Variants in EHHADH observed in about 807,000 individuals in gnomAD.
The protein encoded by EHHADH is peroxisomal bifunctional enzyme.
EHHADH carries 48 observed loss-of-function variants against 64.4 expected under a neutral mutation model. That is an observed-to-expected ratio of 0.75 (90% CI 0.59 to 0.95). EHHADH has a LOEUF of 0.95. Among genes scored for constraint, EHHADH ranks in the 40% least tolerant of loss-of-function variants. The pLI, the probability that EHHADH is intolerant of heterozygous loss-of-function variation, is 0.00. For synonymous variants in EHHADH, 308 were observed against 326.7 expected (o/e 0.94, Z 0.62); for missense variants, 854 against 876.6 (o/e 0.97, Z 0.33).
intron 1 of EHHADH, among the ~76,000 whole-genome samples, chr3:185,250,902 T>C (rs566992768): frequency 7.2e-5 from 11 of 152,286 alleles, no homozygotes; most frequent in African/African-American, 2.6e-4. Context: ...CTAGCCAAAA[T>C]TAGCTCAATC....
At chr3:185,208,771 C>T (rs1024170954) in intron 5 of EHHADH, among the ~76,000 whole-genome samples, 5 of 152,068 alleles carry the variant, frequency 3.3e-5, no homozygotes, top group African/African-American at 1.2e-4. Context: ...GGAAACAATC[C>T]AAACATCCAT....
intron 5 of EHHADH, among the ~76,000 whole-genome samples, chr3:185,215,671 G>T (rs1360101005): frequency 6.6e-6 from 1 of 151,672 alleles, no homozygotes; most frequent in Non-Finnish European, 1.5e-5. Flanking sequence ...CAATACAGCT[G>T]GAAAAAATAA....
Position 185,219,303 on chromosome 3 carries a change from G to A in EHHADH, c.464-1063C>T, listed in dbSNP as rs567892203. Among the ~76,000 whole-genome samples, 6 of 152,322 alleles carry A rather than the reference G, an allele frequency of 3.9e-5. No homozygotes were observed. In the South Asian group the frequency reaches 6.2e-4, roughly 16 times the overall value. On this transcript the variant is annotated intron_variant, in intron 4 of 6. Coordinates refer to ENST00000231887, the MANE Select transcript of EHHADH (RefSeq NM_001966.4). Reference sequence around the variant, plus strand: ...TGATTAGACAATTGACAATTTGACTGTGGCAGCTGGAGTGTGGCCCATGAC... The same window carrying A: ...TGATTAGACAATTGACAATTTGACTATGGCAGCTGGAGTGTGGCCCATGAC...
rs115766426 is a variant in EHHADH, at chr3:185,240,690, A to G, written c.179-5228T>C. 5.6e-3 allele frequency among the ~76,000 whole-genome samples: 851 copies of G among 151,884 alleles called. 1 individual carries two copies. The highest frequency in any genetic ancestry group is 9.7e-3 in the Non-Finnish European group (655 of 67,874). Reference sequence around the variant, plus strand: ...TGATTAGTTTAGCTAGCAGTATATAAATTTTTCTCTTTTCAAAGAACCAAC... The same window carrying G: ...TGATTAGTTTAGCTAGCAGTATATAGATTTTTCTCTTTTCAAAGAACCAAC... On this transcript the variant is annotated intron_variant, in intron 2 of 6. Coordinates refer to ENST00000231887, the MANE Select transcript of EHHADH (RefSeq NM_001966.4).
chr3:185,214,372 A>G (rs1464017721), intron 5 of EHHADH, among the ~76,000 whole-genome samples: 2 of 152,122 alleles, frequency 1.3e-5, no homozygotes, highest in African/African-American at 4.8e-5. Context: ...AGCCCCAAAG[A>G]TGATTTGTTA....
At chr3:185,249,290 G>C (rs1050315913) in intron 1 of EHHADH, among the ~76,000 whole-genome samples, 3 of 152,060 alleles carry the variant, frequency 2.0e-5, no homozygotes, top group Non-Finnish European at 2.9e-5. Context: ...CACCACGTCC[G>C]GCTAATTTTT....
At chr3:185,214,869 T>C (rs911151808) in intron 5 of EHHADH, among the ~76,000 whole-genome samples, 3 of 152,200 alleles carry the variant, frequency 2.0e-5, no homozygotes, top group Admixed American at 1.3e-4. Context: ...CTTTAGTGAG[T>C]ATTACTGTAT....
intron 4 of EHHADH, among the ~76,000 whole-genome samples, chr3:185,219,952 TCTC>T (rs776686065): frequency 2.6e-5 from 4 of 152,122 alleles, no homozygotes; most frequent in Admixed American, 6.6e-5. Flanking sequence ...GGCTTTCAGA[TCTC>T]CTTCTGGAGT....
intron 2 of EHHADH, 200 bp downstream of exon 2, chr3:185,248,214 A>G (rs979701174): frequency 1.1e-5 from 6 of 537,166 alleles, no homozygotes; most frequent in Admixed American, 1.0e-4. Flanking sequence ...AGCCCAATCC[A>G]CAATAAAAGA....
In EHHADH at chr3:185,192,093, A is replaced by G. The variant is rs1246382870; in HGVS notation, c.*133T>C. ...GATTTGACCATTAGAGTCGTTACACAGAAGATTCTAATGATTATTTATTTT... is the reference window on the plus strand; with the variant it reads ...GATTTGACCATTAGAGTCGTTACACGGAAGATTCTAATGATTATTTATTTT... On this transcript the variant is annotated 3_prime_UTR_variant, in exon 7 of 7. Coordinates refer to ENST00000231887, the MANE Select transcript of EHHADH (RefSeq NM_001966.4). 9.3e-7 allele frequency: 1 copy of G among 1,072,660 alleles called. No homozygotes were observed. Among genetic ancestry groups the G allele is most frequent in the African/African-American group, 1.6e-5 (1 of 62,722 alleles). The allele number at this position is 1,072,660 out of a possible 1,614,324, so 66.4% of individuals were successfully genotyped here. A position where few individuals can be genotyped will look rare whatever the true frequency, so the allele number is the denominator to read the frequency against.
chr3:185,226,554 C>A (rs1181897748), intron 4 of EHHADH, among the ~76,000 whole-genome samples: 1 of 150,524 alleles, frequency 6.6e-6, no homozygotes, highest in East Asian at 2.0e-4. Context: ...GAGGCTGAGG[C>A]AGGAGAATCA....
intron 6 of EHHADH, among the ~76,000 whole-genome samples, chr3:185,194,600 G>C (rs1326287747): frequency 6.9e-6 from 1 of 144,396 alleles, no homozygotes; most frequent in Non-Finnish European, 1.5e-5. Flanking sequence ...CAACAAGATT[G>C]AAACTCTGTA....
chr3:185,232,490 C>G (rs568789440), intron 3 of EHHADH, among the ~76,000 whole-genome samples: 1 of 152,146 alleles, frequency 6.6e-6, no homozygotes, highest in East Asian at 1.9e-4. Flanking sequence ...CTCTTGTTGC[C>G]CAGGCTGGAG....
At chr3:185,210,619 A>G (rs1858148) in intron 5 of EHHADH, among the ~76,000 whole-genome samples, 117,185 of 148,314 alleles carry the variant, frequency 0.79, 47,034 homozygotes, top group Non-Finnish European at 0.86. Context: ...TGGGCGACAG[A>G]GTGAGACTCT....
chr3:185,217,779 T>C (rs1283733405), intron 5 of EHHADH, among the ~76,000 whole-genome samples: 1 of 146,664 alleles, frequency 6.8e-6, no homozygotes. Flanking sequence ...TTTTTTTTTT[T>C]CTCGAGACGG....
At chr3:185,232,690 C>T (rs1156314261) in intron 3 of EHHADH, among the ~76,000 whole-genome samples, 2 of 152,166 alleles carry the variant, frequency 1.3e-5, no homozygotes, top group Admixed American at 6.5e-5. Flanking sequence ...TCAGGTGATC[C>T]GCCTGCCTTG....
At chr3:185,225,011 A>G (rs1718936305) in intron 4 of EHHADH, among the ~76,000 whole-genome samples, 1 of 152,226 alleles carries the variant, frequency 6.6e-6, no homozygotes, top group South Asian at 2.1e-4. Flanking sequence ...TGGGGGCCAG[A>G]TACCGTTTAT....
intron 2 of EHHADH, among the ~76,000 whole-genome samples, chr3:185,236,527 A>G (rs765919510): frequency 1.4e-5 from 2 of 145,906 alleles, no homozygotes; most frequent in Non-Finnish European, 3.1e-5. Flanking sequence ...AACATTATAC[A>G]TAGTAAGCTT....
intron 1 of EHHADH, among the ~76,000 whole-genome samples, chr3:185,249,760 T>C (rs1288467331): frequency 6.6e-6 from 1 of 152,232 alleles, no homozygotes; most frequent in Non-Finnish European, 1.5e-5. Flanking sequence ...TTTATAGCAG[T>C]GTGAAAATGG....
Sources: gnomAD v4.1 joint callset for allele counts (sites outside exome capture counted in the v4.1 genomes callset) on GRCh38, gnomAD v4.1.1 for gene constraint, MANE v1.5 for transcripts, NCBI Gene and HGNC (gene_info 2026-07-23, HGNC 2026-07-21) for gene names.